The following PTCHD4 variants were observed in gnomAD, a reference collection of about 807,000 sequenced individuals.
PTCHD4 encodes patched domain-containing protein 4.
Under a neutral mutation model 58.1 loss-of-function variants are expected in PTCHD4, and 33 were observed. That is an observed-to-expected ratio of 0.57 (90% CI 0.43 to 0.76). The LOEUF (loss-of-function observed/expected upper bound fraction) is 0.76, where lower values mean the gene tolerates loss of function less well. PTCHD4 is among the 30% of genes least tolerant of loss of function. The probability of loss-of-function intolerance (pLI) is 0.00; values close to 1 mark genes in which losing one functional copy is unlikely to be tolerated. For synonymous variants in PTCHD4, 478 were observed against 409.6 expected, an observed-to-expected ratio of 1.17 and a Z score of -2.02; for missense variants, 1,058 against 1,027.1, an observed-to-expected ratio of 1.03 and a Z score of -0.41.
intron 3 of PTCHD4, among the ~76,000 whole-genome samples, chr6:48,043,387 C>T (rs1404155377): frequency 6.6e-6 from 1 of 151,766 alleles, no homozygotes; most frequent in African/African-American, 2.4e-5. Flanking sequence ...TATTCACTCC[C>T]TATAAAATAC....
intron 4 of PTCHD4, among the ~76,000 whole-genome samples, chr6:48,004,583 A>T (rs950067754): frequency 6.6e-6 from 1 of 152,212 alleles, no homozygotes; most frequent in Non-Finnish European, 1.5e-5. Flanking sequence ...GAGAGAAAGG[A>T]TGTTAGGCTA....
intron 4 of PTCHD4, among the ~76,000 whole-genome samples, chr6:47,975,640 G>A (rs1767666694): frequency 6.6e-6 from 1 of 152,104 alleles, no homozygotes; most frequent in Admixed American, 6.6e-5. Context: ...GCATCCACGT[G>A]TCACTACTGC....
chr6:47,967,961 CT>C (rs1344200459), intron 4 of PTCHD4, among the ~76,000 whole-genome samples: 2 of 152,176 alleles, frequency 1.3e-5, no homozygotes, highest in Non-Finnish European at 2.9e-5. Flanking sequence ...CATGAAGTCA[CT>C]GGAGTAGCAC....
At chr6:48,075,443 T>C (rs1375734402) in intron 1 of PTCHD4, among the ~76,000 whole-genome samples, 8 of 151,768 alleles carry the variant, frequency 5.3e-5, no homozygotes, top group Non-Finnish European at 8.8e-5. Flanking sequence ...TTGTGGGTTT[T>C]TTTTTTTTTT....
intron 1 of PTCHD4, among the ~76,000 whole-genome samples, chr6:48,094,934 T>C (rs1765432904): frequency 1.3e-5 from 2 of 152,170 alleles, no homozygotes; most frequent in Admixed American, 1.3e-4. Context: ...TCTACTTATG[T>C]AAAACTCTAG....
intron 1 of PTCHD4, among the ~76,000 whole-genome samples, chr6:48,074,610 G>C (rs906182283): frequency 6.6e-6 from 1 of 152,236 alleles, no homozygotes; most frequent in East Asian, 1.9e-4. Context: ...CACTGGTGCT[G>C]GGAATGGGGC....
chr6:47,898,801 A>C (rs1581846154), intron 4 of PTCHD4, among the ~76,000 whole-genome samples: 1 of 152,218 alleles, frequency 6.6e-6, no homozygotes, highest in African/African-American at 2.4e-5. Flanking sequence ...AAAAGGTGTA[A>C]GAACAAAGGA....
At chr6:47,993,879 T>A (rs1470795720) in intron 4 of PTCHD4, among the ~76,000 whole-genome samples, 1 of 152,092 alleles carries the variant, frequency 6.6e-6, no homozygotes. Context: ...GCAGAGCCAA[T>A]GGAAAAACAA....
At chr6:48,043,472 T>G (rs1304164893) in intron 3 of PTCHD4, among the ~76,000 whole-genome samples, 2 of 151,904 alleles carry the variant, frequency 1.3e-5, no homozygotes, top group Non-Finnish European at 2.9e-5. Context: ...ATGTTAAGAT[T>G]CTGTTATCTC....
At chr6:47,977,701 C>T (rs962087521) in intron 4 of PTCHD4, among the ~76,000 whole-genome samples, 7 of 147,748 alleles carry the variant, frequency 4.7e-5, no homozygotes, top group African/African-American at 7.3e-5. Flanking sequence ...ATAGCTAAAA[C>T]ATATATATTT....
chr6:47,882,480 A>G (rs986143662), intron 4 of PTCHD4, among the ~76,000 whole-genome samples: 2 of 151,834 alleles, frequency 1.3e-5, no homozygotes, highest in African/African-American at 4.8e-5. Context: ...TTTCCTACTG[A>G]TATTCACTCA....
chr6:47,883,839 A>G (rs1027106506), intron 4 of PTCHD4, among the ~76,000 whole-genome samples: 11 of 152,166 alleles, frequency 7.2e-5, no homozygotes, highest in African/African-American at 2.4e-4. Context: ...CTGTGGGGCA[A>G]ATTTGGCTTC....
intron 4 of PTCHD4, among the ~76,000 whole-genome samples, chr6:47,972,453 C>T (rs998242027): frequency 3.3e-5 from 5 of 152,036 alleles, no homozygotes; most frequent in African/African-American, 1.2e-4. Flanking sequence ...AAAAGGGAAA[C>T]AAATATTTTT....
chr6:47,955,581 C>T (rs955806371), intron 4 of PTCHD4, among the ~76,000 whole-genome samples: 11 of 152,016 alleles, frequency 7.2e-5, no homozygotes, highest in Non-Finnish European at 1.0e-4. Context: ...CCTTTCAAAA[C>T]GGAATTAGAA....
At chr6:47,954,396 G>GT (rs1032656443) in intron 4 of PTCHD4, among the ~76,000 whole-genome samples, 2 of 152,058 alleles carry the variant, frequency 1.3e-5, no homozygotes, top group Admixed American at 1.3e-4. Context: ...TCATTTAACT[G>GT]TTTTTTAAGA....
At chr6:47,990,630 T>G (rs1768249276) in intron 4 of PTCHD4, among the ~76,000 whole-genome samples, 1 of 152,214 alleles carries the variant, frequency 6.6e-6, no homozygotes, top group Admixed American at 6.5e-5. Flanking sequence ...ACCATGATTC[T>G]GAGGCTTCCC....
chr6:48,051,651 A>T (rs969466957), intron 3 of PTCHD4, among the ~76,000 whole-genome samples: 2 of 151,988 alleles, frequency 1.3e-5, no homozygotes, highest in Non-Finnish European at 2.9e-5. Context: ...CTATAGCATT[A>T]TTGGGATTTT....
chr6:48,010,670 A>G (rs1010624452), intron 3 of PTCHD4, among the ~76,000 whole-genome samples: 20 of 151,840 alleles, frequency 1.3e-4, no homozygotes, highest in African/African-American at 4.4e-4. Flanking sequence ...ACATAGTTAT[A>G]CATGTGCCAT....
rs75131966 is a variant in PTCHD4 at position 48,009,148 on chromosome 6, G to T, written c.418-34C>A. The T allele has an allele frequency of 5.2e-4, 814 of 1,559,468 alleles. 7 individuals carry two copies. In the African/African-American group the frequency reaches 0.01, roughly 19 times the overall value. On this transcript the variant is annotated intron_variant, in intron 3 of 4. Transcript: ENST00000339488. Reference sequence around the variant, plus strand: ...CAGAAAAAGAAGAGACTTCAGTTACGGATGTATATTCCAGGGAATAGATTC... The same window carrying T: ...CAGAAAAAGAAGAGACTTCAGTTACTGATGTATATTCCAGGGAATAGATTC...
Sources: gnomAD v4.1 joint callset for allele counts (sites outside exome capture counted in the v4.1 genomes callset) on GRCh38, gnomAD v4.1.1 for gene constraint, MANE v1.5 for transcripts, NCBI Gene and HGNC (gene_info 2026-07-23, HGNC 2026-07-21) for gene names.